WWOX: variants seen among roughly 807,000 people sequenced by gnomAD.
WWOX encodes the protein WW domain-containing oxidoreductase.
Under a neutral mutation model 46.2 loss-of-function variants are expected in WWOX, and 69 were observed. The observed-to-expected ratio is 1.49, with a 90% CI of 1.23 to 1.82. The LOEUF (loss-of-function observed/expected upper bound fraction) is 1.82. Ranked by LOEUF, WWOX falls within the 40% of genes most tolerant of loss-of-function variation. The pLI is 0.00. For missense variants in WWOX, 919 were observed against 542.6 expected (o/e 1.69, Z -6.89); for synonymous variants, 359 against 202.6 (o/e 1.77, Z -6.56).
chr16:78,322,402 C>T (rs887847833), intron 5 of WWOX, among the ~76,000 whole-genome samples: 1 of 152,166 alleles, frequency 6.6e-6, no homozygotes, highest in African/African-American at 2.4e-5. Context: ...TAATGACTAG[C>T]ACTCACTGAG....
intron 8 of WWOX, among the ~76,000 whole-genome samples, chr16:78,914,307 C>T (rs915971907): frequency 6.6e-5 from 10 of 152,006 alleles, no homozygotes; most frequent in African/African-American, 2.4e-4. Flanking sequence ...AGAGCAGGGA[C>T]CTCATCTGTC....
chr16:78,114,867 A>T, intron 3 of WWOX, 109 bp from the exon 4 acceptor site: 1 of 1,389,590 alleles, frequency 7.2e-7, no homozygotes, highest in Non-Finnish European at 1.0e-6. Flanking sequence ...TTTAAGGAAT[A>T]AGCATTTTGG....
chr16:78,596,097 CTATA>C (rs1253142928), intron 8 of WWOX, among the ~76,000 whole-genome samples: 3 of 151,752 alleles, frequency 2.0e-5, no homozygotes, highest in Admixed American at 1.3e-4. Flanking sequence ...TCATGTGTGA[CTATA>C]TATGTATTAT....
At chr16:78,585,251 G>C (rs559695630) in intron 8 of WWOX, among the ~76,000 whole-genome samples, 1 of 152,200 alleles carries the variant, frequency 6.6e-6, no homozygotes, top group Non-Finnish European at 1.5e-5. Context: ...GCTGAATGTT[G>C]ATCTATTTAG....
intron 8 of WWOX, among the ~76,000 whole-genome samples, chr16:79,175,362 G>T (rs2050779972): frequency 6.6e-6 from 1 of 152,132 alleles, no homozygotes. Flanking sequence ...TAAGACTTCT[G>T]GGTGTGGGTT....
chr16:78,919,880 A>G (rs981703175), intron 8 of WWOX, among the ~76,000 whole-genome samples: 1 of 152,142 alleles, frequency 6.6e-6, no homozygotes. Flanking sequence ...TCTGCAGACC[A>G]GTCTGTACAG....
intron 8 of WWOX, among the ~76,000 whole-genome samples, chr16:79,012,663 C>A (rs556996325): frequency 8.5e-5 from 13 of 152,162 alleles, no homozygotes; most frequent in African/African-American, 3.1e-4. Context: ...AATGAGGGAA[C>A]AAATATCCAG....
At chr16:78,586,852 C>CA (rs1171374927) in intron 8 of WWOX, among the ~76,000 whole-genome samples, 2 of 152,036 alleles carry the variant, frequency 1.3e-5, no homozygotes, top group South Asian at 4.2e-4. Context: ...TGTTTAAGTC[C>CA]AAAAATCATG....
At chr16:78,499,051 T>G (rs532151126) in intron 8 of WWOX, among the ~76,000 whole-genome samples, 33 of 152,360 alleles carry the variant, frequency 2.2e-4, no homozygotes, top group African/African-American at 7.9e-4. Flanking sequence ...AAAAATGGTT[T>G]TATTGTAGTT....
intron 8 of WWOX, among the ~76,000 whole-genome samples, chr16:79,038,799 C>G (rs2047916592): frequency 6.6e-6 from 1 of 152,182 alleles, no homozygotes; most frequent in Non-Finnish European, 1.5e-5. Context: ...ACCCACCTGC[C>G]TCAGCCTCCC....
intron 8 of WWOX, among the ~76,000 whole-genome samples, chr16:79,152,766 A>T (rs1175937546): frequency 1.3e-5 from 2 of 152,076 alleles, no homozygotes; most frequent in African/African-American, 4.8e-5. Flanking sequence ...TCAGGGAATT[A>T]TTCTGCAGTG....
At chr16:78,721,300 C>T (rs942468853) in intron 8 of WWOX, among the ~76,000 whole-genome samples, 1 of 152,078 alleles carries the variant, frequency 6.6e-6, no homozygotes, top group Non-Finnish European at 1.5e-5. Flanking sequence ...TATTCTATTT[C>T]CCCCTTTTCT....
At chr16:78,268,582 G>A (rs2079414474) in intron 5 of WWOX, among the ~76,000 whole-genome samples, 2 of 152,202 alleles carry the variant, frequency 1.3e-5, no homozygotes, top group Non-Finnish European at 2.9e-5. Flanking sequence ...AGGCCTGGTG[G>A]ATTCTAAAGC....
At chr16:79,123,173 A>C (rs1378462222) in intron 8 of WWOX, among the ~76,000 whole-genome samples, 1 of 152,032 alleles carries the variant, frequency 6.6e-6, no homozygotes, top group African/African-American at 2.4e-5. Context: ...GAGAGGGAGG[A>C]CACCGCTGGT....
At chr16:78,801,159 A>G (rs2050875443) in intron 8 of WWOX, among the ~76,000 whole-genome samples, 1 of 151,872 alleles carries the variant, frequency 6.6e-6, no homozygotes, top group Non-Finnish European at 1.5e-5. Context: ...TCCCAGGTTC[A>G]AGTGATACTC....
intron 8 of WWOX, among the ~76,000 whole-genome samples, chr16:78,831,601 C>T (rs1163099661): frequency 2.0e-5 from 3 of 152,124 alleles, no homozygotes; most frequent in Non-Finnish European, 4.4e-5. Flanking sequence ...GGGTGCAAGT[C>T]CTTAGGTGGG....
At chr16:78,300,853 G>T (rs192871391) in intron 5 of WWOX, among the ~76,000 whole-genome samples, 61 of 151,916 alleles carry the variant, frequency 4.0e-4, no homozygotes, top group Admixed American at 3.1e-3. Context: ...TGTCTCCAGG[G>T]GCCATATGTT....
At chr16:78,228,015 A>C (rs1184884322) in intron 5 of WWOX, among the ~76,000 whole-genome samples, 2 of 152,190 alleles carry the variant, frequency 1.3e-5, no homozygotes, top group East Asian at 3.9e-4. Flanking sequence ...TGGTCTATGG[A>C]CCCTCTCTCT....
intron 6 of WWOX, among the ~76,000 whole-genome samples, chr16:78,418,755 GA>G (rs1277144319): frequency 2.0e-5 from 3 of 152,074 alleles, no homozygotes; most frequent in Non-Finnish European, 4.4e-5. Context: ...CTTTCTTGAT[GA>G]AAACTTTTAG....
Sources: gnomAD v4.1 joint callset for allele counts (sites outside exome capture counted in the v4.1 genomes callset) on GRCh38, gnomAD v4.1.1 for gene constraint, MANE v1.5 for transcripts, NCBI Gene and HGNC (gene_info 2026-07-23, HGNC 2026-07-21) for gene names.